The following DGKB variants were observed in gnomAD, a reference collection of about 807,000 sequenced individuals.
DGKB encodes 90 kDa diacylglycerol kinase.
A neutral mutation model predicts 114.3 loss-of-function variants in DGKB; 67 were observed. That is an observed-to-expected ratio of 0.59 (90% CI 0.48 to 0.72). The LOEUF (loss-of-function observed/expected upper bound fraction) is 0.72. DGKB is among the 30% of genes least tolerant of loss of function. The pLI, the probability that DGKB is intolerant of heterozygous loss-of-function variation, is 0.00. For missense variants in DGKB, 907 were observed against 975.2 expected, an observed-to-expected ratio of 0.93 and a Z score of 0.93; for synonymous variants, 398 against 323.1, an observed-to-expected ratio of 1.23 and a Z score of -2.49.
chr7:14,692,608 G>A (rs1823070774), intron 9 of DGKB, among the ~76,000 whole-genome samples: 1 of 151,506 alleles, frequency 6.6e-6, no homozygotes, highest in African/African-American at 2.4e-5. Context: ...TCAGTTATGT[G>A]TAGTATAAGA....
chr7:14,564,700 T>C (rs1450741813), intron 20 of DGKB, among the ~76,000 whole-genome samples: 1 of 152,180 alleles, frequency 6.6e-6, no homozygotes, highest in East Asian at 1.9e-4. Context: ...TTTTGTCCTG[T>C]TTTTACCAGA....
At chr7:14,312,458 T>C (rs374785088) in intron 23 of DGKB, among the ~76,000 whole-genome samples, 1 of 152,370 alleles carries the variant, frequency 6.6e-6, no homozygotes, top group South Asian at 2.1e-4. Context: ...AATGCCTTGT[T>C]CGTTGCTATG....
intron 23 of DGKB, among the ~76,000 whole-genome samples, chr7:14,225,336 T>TTGAC (rs1790619604): frequency 6.6e-6 from 1 of 152,064 alleles, no homozygotes; most frequent in Non-Finnish European, 1.5e-5. Flanking sequence ...ATAGATTTTC[T>TTGAC]TGACTACATA....
intron 21 of DGKB, among the ~76,000 whole-genome samples, chr7:14,453,557 C>G (rs1472245637): frequency 6.6e-6 from 1 of 152,130 alleles, no homozygotes; most frequent in Admixed American, 6.6e-5. Context: ...TTCTAACCAT[C>G]TCCATTGTAT....
At chr7:14,381,073 G>T (rs1819390792) in intron 21 of DGKB, among the ~76,000 whole-genome samples, 1 of 152,184 alleles carries the variant, frequency 6.6e-6, no homozygotes, top group South Asian at 2.1e-4. Context: ...CTGTGGGCGG[G>T]AAAACAAGAG....
At chr7:14,343,501 G>C (rs1337916146) in intron 22 of DGKB, among the ~76,000 whole-genome samples, 1 of 151,400 alleles carries the variant, frequency 6.6e-6, no homozygotes, top group East Asian at 1.9e-4. Context: ...AAAATCTTTT[G>C]CTGTAAACAC....
At chr7:14,386,277 T>A (rs1820324156) in intron 21 of DGKB, among the ~76,000 whole-genome samples, 1 of 152,238 alleles carries the variant, frequency 6.6e-6, no homozygotes, top group Non-Finnish European at 1.5e-5. Context: ...TCTTTACCGA[T>A]GTATTTCACT....
intron 1 of DGKB, among the ~76,000 whole-genome samples, chr7:14,946,394 T>C (rs1006770721): frequency 6.6e-6 from 1 of 151,760 alleles, no homozygotes; most frequent in Non-Finnish European, 1.5e-5. Context: ...CCATTTGTTT[T>C]TACACTGTCT....
intron 1 of DGKB, among the ~76,000 whole-genome samples, chr7:14,933,804 G>C (rs1785148775): frequency 1.3e-5 from 2 of 152,028 alleles, no homozygotes; most frequent in South Asian, 4.1e-4. Context: ...TAATATTTAA[G>C]ATATTAAAAA....
chr7:14,182,039 T>C (rs549277452), intron 23 of DGKB, among the ~76,000 whole-genome samples: 2 of 152,306 alleles, frequency 1.3e-5, no homozygotes, highest in South Asian at 4.1e-4. Flanking sequence ...TAACATGTAA[T>C]TGAAATTAAG....
At chr7:14,766,430 C>T (rs563298691) in intron 2 of DGKB, among the ~76,000 whole-genome samples, 1 of 151,822 alleles carries the variant, frequency 6.6e-6, no homozygotes, top group African/African-American at 2.4e-5. Flanking sequence ...AGTAATGTGT[C>T]AAGAGTCCCA....
In DGKB at chr7:14,891,440, A is replaced by C. The variant is rs529177729; in HGVS notation, c.-188+11152T>G. ...CCACTGGAAAAAAACAAAGAACCAGAGACACAATAGGAGTGCAAGTAAAGC... is the reference window on the plus strand; with the variant it reads ...CCACTGGAAAAAAACAAAGAACCAGCGACACAATAGGAGTGCAAGTAAAGC... On this transcript the variant is annotated intron_variant, in intron 1 of 25. Transcript: ENST00000402815. Among the ~76,000 whole-genome samples the C allele has an allele frequency of 2.9e-3, 433 of 151,598 alleles. 1 individual carries two copies. Among genetic ancestry groups the C allele is most frequent in the African/African-American group, 9.8e-3 (408 of 41,470 alleles).
At chr7:14,776,076 GA>G (rs1054957535) in intron 2 of DGKB, among the ~76,000 whole-genome samples, 1 of 152,080 alleles carries the variant, frequency 6.6e-6, no homozygotes, top group African/African-American at 2.4e-5. Context: ...GAACTGTTGG[GA>G]ACTGGAGCAA....
chr7:14,344,050 A>G (rs542464251), intron 22 of DGKB, among the ~76,000 whole-genome samples: 5 of 148,846 alleles, frequency 3.4e-5, no homozygotes, highest in Non-Finnish European at 7.4e-5. Context: ...TATTATATAG[A>G]TATACATGCA....
At chr7:14,501,891 A>C (rs1385570972) in intron 20 of DGKB, among the ~76,000 whole-genome samples, 1 of 151,922 alleles carries the variant, frequency 6.6e-6, no homozygotes, top group East Asian at 1.9e-4. Flanking sequence ...GACCCGATTT[A>C]AATAATGGGG....
chr7:14,794,619 A>T (rs1294941896), intron 2 of DGKB, among the ~76,000 whole-genome samples: 2 of 152,142 alleles, frequency 1.3e-5, no homozygotes, highest in African/African-American at 4.8e-5. Context: ...GAGCTGCAGG[A>T]CTGAAATTGT....
chr7:14,767,157 A>T (rs1175125409), intron 2 of DGKB, among the ~76,000 whole-genome samples: 1 of 151,788 alleles, frequency 6.6e-6, no homozygotes, highest in African/African-American at 2.4e-5. Flanking sequence ...AAGAGAAAAA[A>T]AACAGCATTC....
intron 10 of DGKB, among the ~76,000 whole-genome samples, chr7:14,683,684 C>T (rs547956394): frequency 6.6e-6 from 1 of 151,940 alleles, no homozygotes; most frequent in African/African-American, 2.4e-5. Context: ...ATATAGCCTC[C>T]TCAATAAAAA....
intron 23 of DGKB, among the ~76,000 whole-genome samples, chr7:14,220,165 A>G (rs2128321615): frequency 6.6e-6 from 1 of 151,770 alleles, no homozygotes; most frequent in South Asian, 2.1e-4. Flanking sequence ...CTGTAACACA[A>G]TTGTAGGTAT....
Sources: allele counts gnomAD v4.1 joint callset (sites outside exome capture counted in the v4.1 genomes callset), GRCh38; gene constraint gnomAD v4.1.1; transcripts MANE v1.5; gene names NCBI Gene and HGNC (gene_info 2026-07-23, HGNC 2026-07-21).